Variants in CREBBP observed in about 807,000 individuals in gnomAD.
CREBBP encodes CREB-binding protein.
A neutral mutation model predicts 265.0 loss-of-function variants in CREBBP; 19 were observed. The observed-to-expected ratio is 0.07, with a 90% CI of 0.05 to 0.11. The LOEUF is 0.11. CREBBP is among the 10% of genes least tolerant of loss of function. The pLI, the probability that CREBBP is intolerant of heterozygous loss-of-function variation, is 1.00. For missense variants in CREBBP, 2,525 were observed against 3,219.0 expected (o/e 0.78, Z 5.22); for synonymous variants, 1,457 against 1,223.7 (o/e 1.19, Z -3.98).
rs753044639 is a variant in CREBBP, at chr16:3,793,600, A to G, written c.1002T>C (p.Ile334=). Residue 334 remains isoleucine, a synonymous_variant, in exon 4 of 31, where the codon ATT becomes ATC. Coordinates refer to ENST00000262367, the MANE Select transcript of CREBBP (RefSeq NM_004380.3). ...CTGTTGCAATTGCTTGTGTGGGTAC[A>G]ATTCCCACTGATGTTTGCATCTGAG... ...NMSQMQTSVG[I]VPTQAIATGP... 2.5e-6 allele frequency: 4 copies of G among 1,613,496 alleles called. No individual in the cohort carries two copies. In the South Asian group the frequency reaches 3.3e-5, roughly 13 times the overall value.
intron 19 of CREBBP, among the ~76,000 whole-genome samples, chr16:3,754,036 T>C (rs938164901): frequency 2.0e-5 from 3 of 151,940 alleles, no homozygotes; most frequent in African/African-American, 7.3e-5. Context: ...GGTGGTGGAA[T>C]GGCAGCCCAT....
chr16:3,847,373 A>T (rs2054689719), intron 2 of CREBBP, among the ~76,000 whole-genome samples: 1 of 152,194 alleles, frequency 6.6e-6, no homozygotes, highest in Admixed American at 6.5e-5. Context: ...GCATCTTAAA[A>T]TCTAGTTGGC....
intron 3 of CREBBP, among the ~76,000 whole-genome samples, chr16:3,806,248 C>T (rs1164966575): frequency 6.6e-6 from 1 of 151,716 alleles, no homozygotes; most frequent in Non-Finnish European, 1.5e-5. Context: ...CTCCCGTCTA[C>T]ACAGTCTTCC....
chr16:3,748,056 C>A (rs1219262016), intron 21 of CREBBP, among the ~76,000 whole-genome samples: 1 of 152,110 alleles, frequency 6.6e-6, no homozygotes, highest in Admixed American at 6.5e-5. Context: ...TGCCATTGCA[C>A]TCCAGCCTGG....
intron 1 of CREBBP, among the ~76,000 whole-genome samples, chr16:3,877,016 G>A (rs945798010): frequency 2.0e-5 from 3 of 152,172 alleles, no homozygotes; most frequent in Non-Finnish European, 4.4e-5. Context: ...TGACACTGGT[G>A]GCCCCACAGG....
At chr16:3,787,014 T>C (rs1252813517) in intron 5 of CREBBP, among the ~76,000 whole-genome samples, 2 of 149,616 alleles carry the variant, frequency 1.3e-5, no homozygotes, top group Non-Finnish European at 2.9e-5. Context: ...GAGGTTGCGG[T>C]GAACTAAGAT....
chr16:3,774,796 G>T, intron 11 of CREBBP, 103 bp from the exon 12 acceptor site: 1 of 1,438,558 alleles, frequency 7.0e-7, no homozygotes, highest in Non-Finnish European at 9.7e-7. Flanking sequence ...GGAACGCACA[G>T]GCAACAGAAA....
chr16:3,781,242 A>C lies in CREBBP; in HGVS notation c.1638T>G (p.Ile546Met). The change falls in exon 7 of 31, where the codon ATT becomes ATG. Residue 546 changes from isoleucine (I) to methionine (M), a missense_variant. By Grantham distance (10) the Ile-to-Met change is conservative. Transcript: ENST00000262367. ...ITTDQQPPNL[I>M]SESALPTSLG... Reference sequence around the variant, plus strand: ...GGGAAGTCGGAAGAGCTGATTCTGAAATCAAGTTTGGGGGCTGCTGATCTG... The same window carrying C: ...GGGAAGTCGGAAGAGCTGATTCTGACATCAAGTTTGGGGGCTGCTGATCTG... The C allele has an allele frequency of 6.2e-7, 1 of 1,614,018 alleles. No homozygotes were observed. Among genetic ancestry groups the C allele is most frequent in the Non-Finnish European group, 8.5e-7 (1 of 1,179,948 alleles).
chr16:3,872,863 C>A (rs1233045386), intron 1 of CREBBP, among the ~76,000 whole-genome samples: 4 of 152,396 alleles, frequency 2.6e-5, no homozygotes, highest in Non-Finnish European at 5.9e-5. Context: ...AGCAGAAGAG[C>A]TGTCACAGGA....
chr16:3,760,405 T>TTTTTTTG (rs1567289817), intron 16 of CREBBP, among the ~76,000 whole-genome samples: 1 of 131,276 alleles, frequency 7.6e-6, no homozygotes. Context: ...TTTTTTTTTT[T>TTTTTTTG]TTTTTTTTTT....
In CREBBP at chr16:3,758,731, T is replaced by A. The variant is rs1195088796; in HGVS notation, c.3369+123A>T. 7.3e-6 allele frequency: 6 copies of A among 823,890 alleles called. No homozygotes were observed. The East Asian group carries it at 1.5e-4, about 21-fold the overall frequency. The allele number at this position is 823,890 out of a possible 1,614,324, so 51.0% of individuals were successfully genotyped here. ...GATAACTGTTAACAGACAACAGTTTTTTATATTAGGAGAACAATCTTCAAG... is the reference window on the plus strand; with the variant it reads ...GATAACTGTTAACAGACAACAGTTTATTATATTAGGAGAACAATCTTCAAG... On this transcript the variant is annotated intron_variant, in intron 17 of 30. Coordinates refer to ENST00000262367, the MANE Select transcript of CREBBP (RefSeq NM_004380.3).
At chr16:3,742,586 A>C (rs1403889876) in intron 23 of CREBBP, 1 of 151,880 alleles carries the variant, frequency 6.6e-6, no homozygotes, top group Non-Finnish European at 1.5e-5. Flanking sequence ...AACACAATAA[A>C]ATTATTATCT....
rs201630274 is a variant in CREBBP at position 3,859,059 on chromosome 16, A to AT, written c.86-8051dup. On this transcript the variant is annotated intron_variant, in intron 1 of 30. Transcript: ENST00000262367. The stretch of plus-strand genomic sequence containing the variant: ...TGTGAAAAAGGTCTCCTTTCTTTAG[A>AT]TTTTTTTTTCATGGTTTCTTTAGAT... Among the ~76,000 whole-genome samples, 907 of 149,802 alleles carry AT rather than the reference A, an allele frequency of 6.1e-3. 8 individuals carry two copies. The highest frequency in any genetic ancestry group is 0.017 in the Middle Eastern group (5 of 292).
At chr16:3,879,261 C>CACAA (rs1555500414) in intron 1 of CREBBP, among the ~76,000 whole-genome samples, 61 of 131,214 alleles carry the variant, frequency 4.6e-4, no homozygotes, top group Non-Finnish European at 8.8e-4. Flanking sequence ...CACACACACA[C>CACAA]AAAACAAGGA....
Position 3,725,493 on chromosome 16 carries a change from C to T in CREBBP, c.*2225G>A, listed in dbSNP as rs188658312. 100 of 233,178 alleles carry T rather than the reference C, an allele frequency of 4.3e-4. No individual in the cohort carries two copies. Among genetic ancestry groups the T allele is most frequent in the Middle Eastern group, 2.5e-3 (2 of 786 alleles). 14.4% of individuals were successfully genotyped at this position (233,178 alleles called of 1,614,324 possible). ...GAACACATGGCTCAAGGTTTCCCTA[C>T]GGGTGGAAAAGATGAAGAGGACACT... On this transcript the variant is annotated 3_prime_UTR_variant, in exon 31 of 31. Coordinates refer to ENST00000262367, the MANE Select transcript of CREBBP (RefSeq NM_004380.3).
chr16:3,828,713 G>T (rs1311371445), intron 2 of CREBBP, among the ~76,000 whole-genome samples: 2 of 152,184 alleles, frequency 1.3e-5, no homozygotes, highest in African/African-American at 4.8e-5. Flanking sequence ...AAAAAATACA[G>T]GCTTGGAGTC....
intron 19 of CREBBP, among the ~76,000 whole-genome samples, chr16:3,755,775 G>C (rs1783155251): frequency 6.6e-6 from 1 of 152,158 alleles, no homozygotes; most frequent in African/African-American, 2.4e-5. Context: ...ATGGAAATCA[G>C]ACTCTGAATG....
chr16:3,809,544 C>T (rs1036780863), intron 3 of CREBBP, among the ~76,000 whole-genome samples: 2 of 152,134 alleles, frequency 1.3e-5, no homozygotes, highest in African/African-American at 4.8e-5. Flanking sequence ...CCTCATTATT[C>T]CCATTTCCTG....
At position 3,728,008 on chromosome 16, in the gene CREBBP, C is replaced by T. The variant is rs2151299673; in HGVS notation, c.7039G>A (p.Ala2347Thr). 6.2e-7 allele frequency: 1 copy of T among 1,610,620 alleles called. No homozygotes were observed. Among genetic ancestry groups the T allele is most frequent in the Non-Finnish European group, 8.5e-7 (1 of 1,177,518 alleles). ...TSLSNQVRSP[A>T]PVQSPRPQSQ... ...TGGGGCCGTGGAGACTGGACAGGGGCTGGAGACCGCACCTGGTTACTAAGG... is the reference window on the plus strand; with the variant it reads ...TGGGGCCGTGGAGACTGGACAGGGGTTGGAGACCGCACCTGGTTACTAAGG... The change falls in exon 31 of 31, where the codon GCC (alanine) becomes ACC (threonine). Residue 2347 changes from alanine (A) to threonine (T), a missense_variant. By Grantham distance (58) the Ala-to-Thr change is moderately conservative. This residue lies in a region of CREBBP where 473 missense variants were observed against 459.3 expected (regional missense o/e 1.03). Coordinates refer to ENST00000262367, the MANE Select transcript of CREBBP (RefSeq NM_004380.3). This position sits in a 1 kb window ranked among gnomAD's most constrained non-coding sequence, Gnocchi z 8.7.
Sources: gnomAD v4.1 joint callset for allele counts (sites outside exome capture counted in the v4.1 genomes callset) on GRCh38, gnomAD v4.1.1 for gene constraint, gnomAD v4.1.1 regional missense constraint, Gnocchi (gnomAD v3.1) non-coding constraint, MANE v1.5 for transcripts, NCBI Gene and HGNC (gene_info 2026-07-23, HGNC 2026-07-21) for gene names.